Variants in CEP128 observed in about 807,000 individuals in gnomAD.
CEP128 encodes the protein centrosomal protein 128.
In CEP128, 132 loss-of-function variants were observed where a neutral mutation model predicts 156.7. That is an observed-to-expected ratio of 0.84 (90% confidence interval 0.73 to 0.97). The LOEUF is 0.97. CEP128 is among the 50% of genes least tolerant of loss of function. The pLI, the probability that CEP128 is intolerant of heterozygous loss-of-function variation, is 0.00. For synonymous variants in CEP128, 469 were observed against 448.9 expected (o/e 1.04, Z -0.57); for missense variants, 1,252 against 1,281.9 (o/e 0.98, Z 0.36).
intron 23 of CEP128, among the ~76,000 whole-genome samples, chr14:80,517,331 A>T (rs1003310067): frequency 6.6e-6 from 1 of 151,840 alleles, no homozygotes; most frequent in African/African-American, 2.4e-5. Context: ...GATTTGAAAC[A>T]TTTTTTCTTT....
chr14:80,483,826 A>G (rs2140149529), intron 14 of CEP128, among the ~76,000 whole-genome samples: 1 of 152,320 alleles, frequency 6.6e-6, no homozygotes, highest in South Asian at 2.1e-4. Context: ...ATAATTTAAC[A>G]AATAAGCTGC....
intron 9 of CEP128, among the ~76,000 whole-genome samples, chr14:80,854,972 A>T (rs1030245779): frequency 5.9e-5 from 9 of 152,222 alleles, no homozygotes; most frequent in African/African-American, 1.9e-4. Flanking sequence ...GAAAGAAAAA[A>T]AAATGCCATC....
chr14:80,618,487 TAC>T (rs1013338807), intron 19 of CEP128, among the ~76,000 whole-genome samples: 6 of 152,182 alleles, frequency 3.9e-5, no homozygotes, highest in Admixed American at 2.6e-4. Context: ...ATAAAACAAA[TAC>T]ATAGTTGAAT....
intron 19 of CEP128, among the ~76,000 whole-genome samples, chr14:80,676,078 TATA>T (rs1481060946): frequency 6.6e-6 from 1 of 152,184 alleles, no homozygotes; most frequent in Non-Finnish European, 1.5e-5. Context: ...TGTCAAGTTC[TATA>T]ATAAGTGTTG....
At chr14:80,478,956 A>G (rs1886998495) in intron 14 of CEP128, among the ~76,000 whole-genome samples, 1 of 152,162 alleles carries the variant, frequency 6.6e-6, no homozygotes, top group African/African-American at 2.4e-5. Flanking sequence ...TAGAGATAGA[A>G]CCTCAGAGTT....
chr14:80,481,493 C>G (rs1205639211), intron 14 of CEP128, among the ~76,000 whole-genome samples: 4 of 152,274 alleles, frequency 2.6e-5, no homozygotes, highest in Admixed American at 6.5e-5. Flanking sequence ...GCTTATAATT[C>G]AAAGATGGTT....
intron 21 of CEP128, among the ~76,000 whole-genome samples, chr14:80,534,607 T>C (rs1173420262): frequency 6.6e-6 from 1 of 152,050 alleles, no homozygotes; most frequent in African/African-American, 2.4e-5. Flanking sequence ...GGGTGGATCA[T>C]GAGGTCAGGA....
chr14:80,525,034 T>C (rs1888915960), intron 23 of CEP128, among the ~76,000 whole-genome samples: 1 of 152,216 alleles, frequency 6.6e-6, no homozygotes, highest in Non-Finnish European at 1.5e-5. Context: ...TGCATTGATT[T>C]ATAGCAATTT....
intron 19 of CEP128, among the ~76,000 whole-genome samples, chr14:80,741,526 T>A (rs1317486885): frequency 6.6e-6 from 1 of 152,106 alleles, no homozygotes; most frequent in African/African-American, 2.4e-5. Flanking sequence ...CAAAAGTGTA[T>A]GACAACATGG....
At position 80,574,801 on chromosome 14, in the gene CEP128, A is replaced by G. The variant is rs562804218; in HGVS notation, c.2856+5573T>C. ...ATTTTCCCCTTACTGCTCATTTCAA[A>G]TGTTTTTGCCTAAGCACTATTGAGG... On this transcript the variant is annotated intron_variant, in intron 20 of 24. Coordinates refer to ENST00000555265, the MANE Select transcript of CEP128 (RefSeq NM_152446.5). Among the ~76,000 whole-genome samples the G allele has an allele frequency of 1.5e-3, 226 of 152,222 alleles. 1 individual carries two copies. The highest frequency in any genetic ancestry group is 5.1e-3 in the African/African-American group (212 of 41,550).
At chr14:80,598,533 C>T (rs61981699) in intron 19 of CEP128, among the ~76,000 whole-genome samples, 24,565 of 152,012 alleles carry the variant, frequency 0.16, 2,301 homozygotes, top group East Asian at 0.2. Context: ...ATAGTAAAGA[C>T]GTCAGTTCTC....
chr14:80,921,828 C>T (rs755875670), intron 2 of CEP128, among the ~76,000 whole-genome samples: 3 of 151,882 alleles, frequency 2.0e-5, no homozygotes, highest in South Asian at 2.1e-4. Context: ...CTGGGCATGG[C>T]GGCGTGCGCC....
At position 80,947,665 on chromosome 14, in the gene CEP128, C is replaced by T. The variant is rs149237429; in HGVS notation, c.-171-8125G>A. ...AAACAAATGATTTGGAAGGAAATAC[C>T]ATGAACAAAAGAAAAGAGATTCCCC... is the stretch of plus-strand genomic sequence containing the variant. On this transcript the variant is annotated intron_variant, in intron 2 of 7. Transcript: ENST00000555529. 3.5e-4 allele frequency among the ~76,000 whole-genome samples: 53 copies of T among 152,124 alleles called. No individual in the cohort carries two copies. The East Asian group carries it at 8.3e-3, about 24-fold the overall frequency.
chr14:80,548,279 T>A (rs1377588600), intron 21 of CEP128, among the ~76,000 whole-genome samples: 1 of 152,172 alleles, frequency 6.6e-6, no homozygotes, highest in African/African-American at 2.4e-5. Context: ...TCATATCACT[T>A]TCCATCATTT....
At chr14:80,747,991 G>A (rs1347712406) in intron 18 of CEP128, among the ~76,000 whole-genome samples, 1 of 152,162 alleles carries the variant, frequency 6.6e-6, no homozygotes. Context: ...ATTAAATGGT[G>A]CATTCTAAAT....
chr14:80,823,013 T>C (rs2140006205), intron 13 of CEP128, among the ~76,000 whole-genome samples: 1 of 152,298 alleles, frequency 6.6e-6, no homozygotes, highest in Middle Eastern at 3.4e-3. Context: ...ACCTTTCCCT[T>C]CTGGTTTTGA....
At chr14:80,954,750 T>C (rs2139665958) in intron 2 of CEP128, among the ~76,000 whole-genome samples, 1 of 152,378 alleles carries the variant, frequency 6.6e-6, no homozygotes. Context: ...ATGATCTTTT[T>C]GGCTACTGTG....
At chr14:80,674,561 T>C (rs1445004475) in intron 19 of CEP128, among the ~76,000 whole-genome samples, 2 of 152,130 alleles carry the variant, frequency 1.3e-5, no homozygotes, top group Non-Finnish European at 2.9e-5. Flanking sequence ...ATAAGAACAT[T>C]TCTTTATTAA....
rs117700722 is a variant in CEP128 at position 80,875,300 on chromosome 14, T to C, written c.646-12427A>G. 7.2e-4 allele frequency among the ~76,000 whole-genome samples: 109 copies of C among 152,344 alleles called. No individual in the cohort carries two copies. The East Asian group carries it at 0.019, about 26-fold the overall frequency. On this transcript the variant is annotated intron_variant, in intron 8 of 24. Transcript: ENST00000555265. The stretch of plus-strand genomic sequence containing the variant: ...CAACAAGTAATAAGATAATCCAAGA[T>C]TGCTACTGACCCTAGTCTATAACAA...
Sources: allele counts gnomAD v4.1 joint callset (sites outside exome capture counted in the v4.1 genomes callset), GRCh38; gene constraint gnomAD v4.1.1; transcripts MANE v1.5; gene names NCBI Gene and HGNC (gene_info 2026-07-23, HGNC 2026-07-21).